The following ANO5 variants were observed in gnomAD, a reference collection of about 807,000 sequenced individuals.
ANO5 encodes anoctamin 5.
A neutral mutation model predicts 121.0 loss-of-function variants in ANO5; 109 were observed. The observed-to-expected ratio is 0.90, with a 90% CI of 0.77 to 1.06. The LOEUF (loss-of-function observed/expected upper bound fraction) is 1.06, where lower values mean the gene tolerates loss of function less well. Among genes scored for constraint, ANO5 ranks in the 50% least tolerant of loss-of-function variants. The pLI, the probability that ANO5 is intolerant of heterozygous loss-of-function variation, is 0.00. For missense variants in ANO5, 1,064 were observed against 1,078.5 expected (o/e 0.99, Z 0.19); for synonymous variants, 406 against 359.9 (o/e 1.13, Z -1.45).
intron 12 of ANO5, among the ~76,000 whole-genome samples, chr11:22,254,627 G>A (rs956976749): frequency 1.3e-5 from 2 of 151,584 alleles, no homozygotes; most frequent in African/African-American, 4.8e-5. Context: ...AGTATCAGTT[G>A]TATATCATTT....
At chr11:22,234,102 A>T (rs1448215167) in intron 7 of ANO5, among the ~76,000 whole-genome samples, 1 of 152,094 alleles carries the variant, frequency 6.6e-6, no homozygotes, top group Non-Finnish European at 1.5e-5. Flanking sequence ...TGAGTACAAC[A>T]ATTTTCACAC....
At chr11:22,234,976 T>C (rs537640431) in intron 7 of ANO5, among the ~76,000 whole-genome samples, 12 of 152,146 alleles carry the variant, frequency 7.9e-5, no homozygotes, top group African/African-American at 2.9e-4. Flanking sequence ...AGCTCCTCCT[T>C]AACACAAAGA....
chr11:22,235,769 T>C (rs1321426339), intron 7 of ANO5, among the ~76,000 whole-genome samples: 1 of 152,146 alleles, frequency 6.6e-6, no homozygotes, highest in South Asian at 2.1e-4. Context: ...TGAAGAAGTA[T>C]TCAAGACAGC....
chr11:22,215,444 C>T (rs1852408083), intron 3 of ANO5, among the ~76,000 whole-genome samples: 1 of 151,898 alleles, frequency 6.6e-6, no homozygotes. Flanking sequence ...AATTGATATG[C>T]CATCTCAATT....
At chr11:22,265,557 C>A (rs7926400) in intron 17 of ANO5, among the ~76,000 whole-genome samples, 22,873 of 152,042 alleles carry the variant, frequency 0.15, 5,028 homozygotes, top group African/African-American at 0.48. Context: ...ATTTGGTAGA[C>A]TCTAAAGTCA....
At chr11:22,252,047 A>AC (rs1564937223) in intron 12 of ANO5, among the ~76,000 whole-genome samples, 4 of 138,288 alleles carry the variant, frequency 2.9e-5, no homozygotes, top group African/African-American at 1.2e-4. Flanking sequence ...AAAAAAAAAA[A>AC]AAAAAAAAAA....
chr11:22,276,761 A>C (rs1176097423), intron 21 of ANO5, among the ~76,000 whole-genome samples: 1 of 150,826 alleles, frequency 6.6e-6, no homozygotes, highest in East Asian at 1.9e-4. Context: ...AACAATACAG[A>C]GGCAGTATTG....
intron 7 of ANO5, among the ~76,000 whole-genome samples, chr11:22,230,158 C>T (rs1466318230): frequency 3.3e-5 from 5 of 151,742 alleles, no homozygotes; most frequent in Non-Finnish European, 7.4e-5. Context: ...GACTTTTTAA[C>T]ATTAACAAAG....
chr11:22,221,046 A>G lies in ANO5; in HGVS notation c.181-51A>G, dbSNP rs776620992. On this transcript the variant is annotated intron_variant, in intron 4 of 21. Coordinates refer to ENST00000324559, the MANE Select transcript of ANO5 (RefSeq NM_213599.3). ...AAATAATTCCTTTTGTGCTTTTGCC[A>G]TTTCAGAATAAAACTATAATTTACA... is the stretch of plus-strand genomic sequence containing the variant. 42 of 1,351,006 alleles carry G rather than the reference A, an allele frequency of 3.1e-5. No individual in the cohort carries two copies. In the Admixed American group the frequency reaches 6.9e-4, roughly 22 times the overall value. The allele number at this position is 1,351,006 out of a possible 1,614,324, so 83.7% of individuals were successfully genotyped here.
rs952547021 is a variant in ANO5, at chr11:22,272,340, A to ACACG, written c.2030-441_2030-440insGCAC. ...CACACACACACACACACACACACAC[A>ACACG]CACACAGCTGGCTGCTGGGATTATA... On this transcript the variant is annotated intron_variant, in intron 18 of 21. Transcript: ENST00000324559. 1.3e-4 allele frequency among the ~76,000 whole-genome samples: 20 copies of ACACG among 149,322 alleles called. 1 individual carries two copies. The highest frequency in any genetic ancestry group is 4.6e-4 in the African/African-American group (18 of 39,134).
At chr11:22,253,990 G>T (rs1427223366) in intron 12 of ANO5, among the ~76,000 whole-genome samples, 1 of 152,030 alleles carries the variant, frequency 6.6e-6, no homozygotes, top group Admixed American at 6.6e-5. Flanking sequence ...TGTACTAATG[G>T]TCCACAATAA....
chr11:22,250,095 G>C (rs1853754121), intron 9 of ANO5, 142 bp from the exon 10 acceptor site: 2 of 704,144 alleles, frequency 2.8e-6, no homozygotes, highest in South Asian at 3.8e-5. Context: ...GAAGTTTAGA[G>C]AGTTGAGTAA....
At chr11:22,269,539 G>T (rs1354135859) in intron 17 of ANO5, among the ~76,000 whole-genome samples, 5 of 145,126 alleles carry the variant, frequency 3.4e-5, no homozygotes, top group Admixed American at 2.0e-4. Context: ...AAGAAAAAAA[G>T]AAAAGGAAGG....
chr11:22,236,074 A>T, intron 7 of ANO5, 89 bp from the exon 8 acceptor site: 1 of 862,294 alleles, frequency 1.2e-6, no homozygotes, highest in Middle Eastern at 2.2e-4. Flanking sequence ...TCTACATTCA[A>T]AGTAGACATT....
intron 12 of ANO5, among the ~76,000 whole-genome samples, chr11:22,251,791 C>G (rs752346583): frequency 2.0e-5 from 3 of 151,412 alleles, no homozygotes; most frequent in Non-Finnish European, 4.4e-5. Flanking sequence ...CTTTGGGAGG[C>G]TGAGGTGGGC....
intron 2 of ANO5, among the ~76,000 whole-genome samples, chr11:22,205,165 A>G (rs1852076470): frequency 1.3e-5 from 2 of 152,092 alleles, no homozygotes; most frequent in Non-Finnish European, 1.5e-5. Flanking sequence ...ACAGATACAT[A>G]GAGGGAAACA....
chr11:22,259,623 C>A lies in ANO5; in HGVS notation c.1512C>A (p.Val504=). ...AAAGTGATGCATCCTTAAAGCAGGT[C>A]AAAAGCTTCCTTACTCCTCAGATAA... The part of the protein sequence containing the change: ...FMESDASLKQ[V]KSFLTPQITT... The change falls in exon 15 of 22, where the codon GTC becomes GTA. Residue 504 remains valine, a synonymous_variant. Transcript: ENST00000324559. 6.2e-7 allele frequency: 1 copy of A among 1,614,040 alleles called. No individual in the cohort carries two copies.
chr11:22,203,891 A>C (rs1852037571), intron 2 of ANO5, 41 bp downstream of exon 2: 1 of 1,319,910 alleles, frequency 7.6e-7, no homozygotes, highest in Non-Finnish European at 1.1e-6. Flanking sequence ...TATAAGTCAG[A>C]ATAAAAAATC....
intron 6 of ANO5, 118 bp from the exon 7 acceptor site, chr11:22,227,184 A>G (rs1236831735): frequency 7.2e-7 from 1 of 1,392,264 alleles, no homozygotes; most frequent in African/African-American, 1.5e-5. Context: ...AAATTTCAAA[A>G]TATTGAAAAT....
Sources: allele counts gnomAD v4.1 joint callset (sites outside exome capture counted in the v4.1 genomes callset), GRCh38; gene constraint gnomAD v4.1.1; transcripts MANE v1.5; gene names NCBI Gene and HGNC (gene_info 2026-07-23, HGNC 2026-07-21).